BMPR1B: variants seen among roughly 807,000 people sequenced by gnomAD.
BMPR1B encodes bone morphogenetic protein receptor type-1B.
In BMPR1B, 12 loss-of-function variants were observed where a neutral mutation model predicts 59.1. The observed-to-expected ratio is 0.20, with a 90% CI of 0.13 to 0.33. BMPR1B has a LOEUF of 0.33. Ranked by LOEUF, BMPR1B falls within the 10% of genes least tolerant of loss-of-function variation. The probability of loss-of-function intolerance (pLI) is 1.00; values close to 1 mark genes in which losing one functional copy is unlikely to be tolerated. For missense variants in BMPR1B, 550 were observed against 610.9 expected, an observed-to-expected ratio of 0.90 and a Z score of 1.05; for synonymous variants, 237 against 207.3, an observed-to-expected ratio of 1.14 and a Z score of -1.23.
intron 1 of BMPR1B, among the ~76,000 whole-genome samples, chr4:94,855,020 G>T (rs1001971557): frequency 2.0e-5 from 3 of 151,996 alleles, no homozygotes; most frequent in African/African-American, 7.3e-5. Context: ...ATATTGGATG[G>T]CACCAACCAT....
chr4:95,112,209 C>A (rs1359039097), intron 4 of BMPR1B, among the ~76,000 whole-genome samples: 3 of 151,934 alleles, frequency 2.0e-5, no homozygotes, highest in Non-Finnish European at 4.4e-5. Context: ...AAAATTATTT[C>A]CACTTTTATT....
chr4:94,950,922 G>A (rs1729908488), intron 2 of BMPR1B, among the ~76,000 whole-genome samples: 1 of 152,126 alleles, frequency 6.6e-6, no homozygotes, highest in Non-Finnish European at 1.5e-5. Context: ...AGCATGGAAT[G>A]TTTTTCCATT....
intron 2 of BMPR1B, among the ~76,000 whole-genome samples, chr4:94,984,871 G>T (rs2149091361): frequency 6.6e-6 from 1 of 152,306 alleles, no homozygotes; most frequent in African/African-American, 2.4e-5. Flanking sequence ...GCAGTGTCTT[G>T]ATACCAGAGT....
intron 8 of BMPR1B, 42 bp downstream of exon 8, chr4:95,125,163 T>C (rs1315796419): frequency 7.5e-6 from 12 of 1,609,710 alleles, no homozygotes; most frequent in Non-Finnish European, 8.5e-6. Context: ...AAATGTTTTC[T>C]GAAAGAACTG....
At chr4:94,980,012 C>T (rs1731173761) in intron 2 of BMPR1B, among the ~76,000 whole-genome samples, 1 of 152,188 alleles carries the variant, frequency 6.6e-6, no homozygotes, top group Non-Finnish European at 1.5e-5. Flanking sequence ...AAACTGCTAC[C>T]TGCCTGAAAC....
chr4:95,036,394 C>T (rs1219689003), intron 3 of BMPR1B, among the ~76,000 whole-genome samples: 1 of 152,124 alleles, frequency 6.6e-6, no homozygotes, highest in African/African-American at 2.4e-5. Flanking sequence ...TAACAAACAT[C>T]CTATACCCTT....
rs576309579 is a variant in BMPR1B, at chr4:94,877,998, G to A, written c.-113+2098G>A. On this transcript the variant is annotated intron_variant, in intron 2 of 12. Transcript: ENST00000515059. The stretch of plus-strand genomic sequence containing the variant: ...TATGCATTTACATTGGAATGATATC[G>A]CCTATATTGATGAATGGTCTTATAA... Among the ~76,000 whole-genome samples, 6 of 152,074 alleles carry A rather than the reference G, an allele frequency of 3.9e-5. No individual in the cohort carries two copies. The East Asian group carries it at 5.8e-4, about 15-fold the overall frequency.
chr4:95,144,008 T>G (rs1734445676), intron 10 of BMPR1B, among the ~76,000 whole-genome samples: 1 of 152,098 alleles, frequency 6.6e-6, no homozygotes, highest in Admixed American at 6.5e-5. Flanking sequence ...CCAATTTTTT[T>G]TTTTTTTTAC....
intron 10 of BMPR1B, among the ~76,000 whole-genome samples, chr4:95,139,469 G>A (rs1734054181): frequency 6.6e-6 from 1 of 152,204 alleles, no homozygotes; most frequent in Non-Finnish European, 1.5e-5. Context: ...TAAGTCTGCA[G>A]AAGTTTCTGC....
chr4:94,996,966 G>T (rs1398896662), intron 3 of BMPR1B, among the ~76,000 whole-genome samples: 1 of 152,154 alleles, frequency 6.6e-6, no homozygotes, highest in Admixed American at 6.5e-5. Context: ...CATTGGCACT[G>T]AAGGAGACAG....
chr4:94,787,889 A>G (rs1427290194), intron 1 of BMPR1B, among the ~76,000 whole-genome samples: 1 of 152,184 alleles, frequency 6.6e-6, no homozygotes, highest in African/African-American at 2.4e-5. Context: ...TGGAGTTAGT[A>G]TGTTTCTAAT....
intron 2 of BMPR1B, among the ~76,000 whole-genome samples, chr4:94,991,762 T>C (rs556859783): frequency 6.6e-6 from 1 of 152,262 alleles, no homozygotes; most frequent in South Asian, 2.1e-4. Flanking sequence ...GCTTTTACTC[T>C]GAGTAAAATG....
intron 1 of BMPR1B, among the ~76,000 whole-genome samples, chr4:94,783,892 G>A (rs908348493): frequency 6.6e-6 from 1 of 152,120 alleles, no homozygotes; most frequent in Non-Finnish European, 1.5e-5. Context: ...CCCTCCTGGT[G>A]AGAGAGTTTA....
At chr4:94,894,376 G>C (rs932661181) in intron 2 of BMPR1B, among the ~76,000 whole-genome samples, 2 of 151,606 alleles carry the variant, frequency 1.3e-5, no homozygotes, top group Non-Finnish European at 2.9e-5. Flanking sequence ...TAAACAGTAA[G>C]CATTTATACC....
chr4:94,994,982 CAG>C (rs1330319226), intron 2 of BMPR1B, among the ~76,000 whole-genome samples: 1 of 152,090 alleles, frequency 6.6e-6, no homozygotes, highest in Non-Finnish European at 1.5e-5. Flanking sequence ...AGTAAGTGAC[CAG>C]AGTCTCCCAA....
chr4:94,900,889 T>G (rs559401752), intron 2 of BMPR1B, among the ~76,000 whole-genome samples: 1 of 151,932 alleles, frequency 6.6e-6, no homozygotes, highest in Non-Finnish European at 1.5e-5. Context: ...AAAACCAACC[T>G]GAAAACAAAA....
chr4:95,096,834 A>G (rs1425097279), intron 3 of BMPR1B, among the ~76,000 whole-genome samples: 1 of 141,182 alleles, frequency 7.1e-6, no homozygotes, highest in Non-Finnish European at 1.5e-5. Flanking sequence ...TTATATTTAT[A>G]TATAAATATA....
intron 2 of BMPR1B, among the ~76,000 whole-genome samples, chr4:94,985,092 T>C (rs1350276980): frequency 6.6e-6 from 1 of 152,018 alleles, no homozygotes; most frequent in East Asian, 1.9e-4. Flanking sequence ...GGATTTCTGT[T>C]ATGGGCAAAG....
rs554188137 is a variant in BMPR1B at position 95,091,744 on chromosome 4, C to T, written c.-17-12664C>T. 658 of 875,064 alleles carry T rather than the reference C, an allele frequency of 7.5e-4. 2 individuals are homozygous for T. In the African/African-American group the frequency reaches 0.011, roughly 15 times the overall value. The allele number at this position is 875,064 out of a possible 1,614,324, so 54.2% of individuals were successfully genotyped here. ...ACAATAAAAGCTGTTAGAACTTAGC[C>T]TTTTTTGGCATAGATGGTGAAATAG... On this transcript the variant is annotated intron_variant, in intron 3 of 12. Transcript: ENST00000515059.
Sources: gnomAD v4.1 joint callset for allele counts (sites outside exome capture counted in the v4.1 genomes callset) on GRCh38, gnomAD v4.1.1 for gene constraint, MANE v1.5 for transcripts, NCBI Gene and HGNC (gene_info 2026-07-23, HGNC 2026-07-21) for gene names.